TMBIM6: variants seen among roughly 807,000 people sequenced by gnomAD.
TMBIM6 encodes bax inhibitor 1.
In TMBIM6, 13 loss-of-function variants were observed where a neutral mutation model predicts 31.4. The observed-to-expected ratio is 0.41, with a 90% CI of 0.27 to 0.66. TMBIM6 has a LOEUF of 0.66. Among genes scored for constraint, TMBIM6 ranks in the 30% least tolerant of loss-of-function variants. The pLI is 0.28. For synonymous variants in TMBIM6, 85 were observed against 101.7 expected (o/e 0.84, Z 0.99); for missense variants, 275 against 289.5 (o/e 0.95, Z 0.36).
chr12:49,752,375 T>C, intron 1 of TMBIM6, 89 bp from the exon 2 acceptor site: 1 of 953,110 alleles, frequency 1.0e-6, no homozygotes, highest in Non-Finnish European at 1.5e-6. Context: ...TTCATCTTTC[T>C]GAACTTACAT....
chr12:49,742,084 C>T, intron 1 of TMBIM6: 7 of 1,584,724 alleles, frequency 4.4e-6, no homozygotes, highest in Middle Eastern at 4.1e-4. Context: ...TCGGGCTGAC[C>T]CTGGGTGAGC....
intron 1 of TMBIM6, chr12:49,749,897 T>TC (rs1565918346): frequency 6.6e-6 from 1 of 152,212 alleles, no homozygotes; most frequent in East Asian, 1.9e-4. Flanking sequence ...TTCTTTTTTT[T>TC]CTCCATAAAG....
chr12:49,753,587 G>A (rs765366057), intron 3 of TMBIM6, among the ~76,000 whole-genome samples: 1 of 152,180 alleles, frequency 6.6e-6, no homozygotes, highest in Non-Finnish European at 1.5e-5. Context: ...AGGAGTAGAA[G>A]GTACAGTTTG....
intron 4 of TMBIM6, among the ~76,000 whole-genome samples, chr12:49,758,015 A>G: frequency 6.6e-6 from 1 of 151,676 alleles, no homozygotes; most frequent in East Asian, 1.9e-4. Context: ...TAAGAGGACA[A>G]TTTTGCAGCT....
chr12:49,760,277 G>T (rs73309015), intron 8 of TMBIM6, among the ~76,000 whole-genome samples: 13,564 of 151,920 alleles, frequency 0.089, 1,131 homozygotes, highest in African/African-American at 0.23. Flanking sequence ...TAGAGACAGG[G>T]TCTCGCTCTG....
intron 8 of TMBIM6, among the ~76,000 whole-genome samples, chr12:49,760,680 G>A (rs1207801348): frequency 1.3e-5 from 2 of 151,874 alleles, no homozygotes; most frequent in African/African-American, 4.8e-5. Flanking sequence ...GGGATTACAG[G>A]CACTCTCCAC....
At chr12:49,751,864 G>C (rs1472741176) in intron 1 of TMBIM6, among the ~76,000 whole-genome samples, 1 of 147,642 alleles carries the variant, frequency 6.8e-6, no homozygotes, top group East Asian at 2.0e-4. Flanking sequence ...CCAGGTTCAA[G>C]CAATTCTTCT....
Position 49,762,501 on chromosome 12 carries a change from A to G in TMBIM6, c.691-372A>G, listed in dbSNP as rs796961516. Among the ~76,000 whole-genome samples the G allele has an allele frequency of 2.5e-4, 38 of 152,274 alleles. No homozygotes were observed. In the Middle Eastern group the frequency reaches 0.01, roughly 41 times the overall value. On this transcript the variant is annotated intron_variant, in intron 9 of 9. Transcript: ENST00000267115. ...GCAGGGTGGAGCACTTCTCGCGCCT[A>G]ATGGTTGGTTGGTGGTCTTGGCCTC...
intron 1 of TMBIM6, among the ~76,000 whole-genome samples, chr12:49,747,946 C>T (rs1945426434): frequency 6.6e-6 from 1 of 152,128 alleles, no homozygotes; most frequent in Admixed American, 6.5e-5. Flanking sequence ...CACTGTCACC[C>T]ATGGTGGAGG....
intron 1 of TMBIM6, among the ~76,000 whole-genome samples, chr12:49,747,118 A>G (rs1181531445): frequency 6.6e-6 from 1 of 151,790 alleles, no homozygotes; most frequent in Non-Finnish European, 1.5e-5. Context: ...GATTACAGGC[A>G]TGAGCCACCG....
At chr12:49,751,317 A>G (rs1053336607) in intron 1 of TMBIM6, among the ~76,000 whole-genome samples, 6 of 152,196 alleles carry the variant, frequency 3.9e-5, no homozygotes, top group Non-Finnish European at 8.8e-5. Context: ...CAGGATATAC[A>G]CACTGAAGTG....
rs1945789570 is a variant in TMBIM6, at chr12:49,764,840, C to T, written c.*1944C>T. 6.6e-6 allele frequency: 1 copy of T among 151,888 alleles called. No individual in the cohort carries two copies. Among genetic ancestry groups the T allele is most frequent in the South Asian group, 2.1e-4 (1 of 4,832 alleles). 9.4% of individuals were successfully genotyped at this position (151,888 alleles called of 1,614,324 possible). On this transcript the variant is annotated 3_prime_UTR_variant, in exon 10 of 10. Transcript: ENST00000267115. ...ATTTTCAGCTCAGGCTGCATTCTAA[C>T]TCATACTGTGAAGACAAAGGTGTTT...
intron 1 of TMBIM6, among the ~76,000 whole-genome samples, chr12:49,745,988 G>A (rs1374325727): frequency 6.6e-6 from 1 of 151,914 alleles, no homozygotes; most frequent in African/African-American, 2.4e-5. Context: ...TTATTGGGAT[G>A]TAACTTCATT....
Position 49,747,798 on chromosome 12 carries a change from C to T in TMBIM6, c.-30-4666C>T, listed in dbSNP as rs532039091. ...TTGCATAGAACGCATACTAAATCCA[C>T]GATAGTTTTGTTTTGCATAGCTTTT... is the stretch of plus-strand genomic sequence containing the variant. On this transcript the variant is annotated intron_variant, in intron 1 of 9. Transcript: ENST00000267115. 5.3e-5 allele frequency among the ~76,000 whole-genome samples: 8 copies of T among 152,250 alleles called. No homozygotes were observed. The South Asian group carries it at 6.2e-4, about 12-fold the overall frequency.
At chr12:49,747,540 C>T (rs1945417886) in intron 1 of TMBIM6, among the ~76,000 whole-genome samples, 3 of 152,314 alleles carry the variant, frequency 2.0e-5, no homozygotes, top group Admixed American at 2.0e-4. Context: ...AACTCCTGGG[C>T]TCAAGCGACC....
intron 1 of TMBIM6, among the ~76,000 whole-genome samples, chr12:49,746,576 A>G (rs887892891): frequency 2.0e-5 from 3 of 152,216 alleles, no homozygotes; most frequent in Admixed American, 2.0e-4. Context: ...AGTATTTTAC[A>G]CATGGTAGGT....
chr12:49,761,736 C>T lies in TMBIM6; in HGVS notation c.647C>T (p.Thr216Ile), dbSNP rs754165272. The T allele has an allele frequency of 1.4e-5, 22 of 1,614,102 alleles. No homozygotes were observed. In the African/African-American group the frequency reaches 1.5e-4, roughly 11 times the overall value. Residue 216 changes from threonine to isoleucine, a missense_variant, in exon 9 of 10, where the codon ACT (threonine) becomes ATT (isoleucine). Thr to Ile is a moderately conservative substitution (Grantham distance 89). Transcript: ENST00000267115. Reference protein sequence around the residue: ...HCIDLFLDFITVFRKLMMILA... With the variant: ...HCIDLFLDFIIVFRKLMMILA... Reference sequence around the variant, plus strand: ...ATTGATCTCTTCTTAGATTTCATTACTGTCTTCAGAAAACTCATGATGATC... The same window carrying T: ...ATTGATCTCTTCTTAGATTTCATTATTGTCTTCAGAAAACTCATGATGATC...
rs1288969494 is a variant in TMBIM6 at position 49,763,213 on chromosome 12, C to T, written c.*317C>T. The T allele has an allele frequency of 1.9e-5, 5 of 266,384 alleles. No individual in the cohort carries two copies. Among genetic ancestry groups the T allele is most frequent in the South Asian group, 1.5e-4 (2 of 13,238 alleles). The allele number at this position is 266,384 out of a possible 1,614,324, so 16.5% of individuals were successfully genotyped here. A position where few individuals can be genotyped will look rare whatever the true frequency, so the allele number is the denominator to read the frequency against. On this transcript the variant is annotated 3_prime_UTR_variant, in exon 10 of 10. Coordinates refer to ENST00000267115, the MANE Select transcript of TMBIM6 (RefSeq NM_003217.3). ...GCAGAGGGCGCCAACTTCAGGAGTCCGCTTTCCCACCAGGCTTCATTCACC... is the reference window on the plus strand; with the variant it reads ...GCAGAGGGCGCCAACTTCAGGAGTCTGCTTTCCCACCAGGCTTCATTCACC...
intron 1 of TMBIM6, among the ~76,000 whole-genome samples, chr12:49,744,925 T>A (rs1252124635): frequency 6.6e-6 from 1 of 152,104 alleles, no homozygotes. Flanking sequence ...GAGAGGGAGA[T>A]GAAGTAGTGT....
Sources: gnomAD v4.1 joint callset for allele counts (sites outside exome capture counted in the v4.1 genomes callset) on GRCh38, gnomAD v4.1.1 for gene constraint, MANE v1.5 for transcripts, NCBI Gene and HGNC (gene_info 2026-07-23, HGNC 2026-07-21) for gene names.